Variants in SDK1 observed in about 807,000 individuals in gnomAD.
SDK1 encodes protein sidekick-1.
Under a neutral mutation model 245.5 loss-of-function variants are expected in SDK1, and 157 were observed. The observed-to-expected ratio is 0.64, with a 90% confidence interval of 0.56 to 0.73. The LOEUF (loss-of-function observed/expected upper bound fraction) is 0.73, where lower values mean the gene tolerates loss of function less well. Among genes scored for constraint, SDK1 ranks in the 30% least tolerant of loss-of-function variants. SDK1 has a pLI of 0.00. For synonymous variants in SDK1, 1,647 were observed against 1,278.5 expected, an observed-to-expected ratio of 1.29 and a Z score of -6.15; for missense variants, 3,583 against 3,002.3, an observed-to-expected ratio of 1.19 and a Z score of -4.52.
chr7:3,780,969 G>A (rs577685793), intron 4 of SDK1, among the ~76,000 whole-genome samples: 214 of 152,116 alleles, frequency 1.4e-3, no homozygotes, highest in Non-Finnish European at 2.2e-3. Context: ...GTGACCCGAC[G>A]TAAGCAGGGA....
chr7:3,818,908 G>T (rs944858108), intron 4 of SDK1, among the ~76,000 whole-genome samples: 1 of 152,200 alleles, frequency 6.6e-6, no homozygotes, highest in Non-Finnish European at 1.5e-5. Flanking sequence ...CAGCTCTCTT[G>T]TGTTGCATGG....
intron 1 of SDK1, among the ~76,000 whole-genome samples, chr7:3,426,348 A>C (rs992854361): frequency 6.6e-6 from 1 of 152,212 alleles, no homozygotes; most frequent in Non-Finnish European, 1.5e-5. Flanking sequence ...CTGGATGGGC[A>C]GGGTGAGAGT....
intron 1 of SDK1, among the ~76,000 whole-genome samples, chr7:3,493,437 GAAAATTA>G (rs1218451078): frequency 3.3e-5 from 5 of 152,190 alleles, no homozygotes; most frequent in African/African-American, 1.2e-4. Flanking sequence ...TGTTCTCAAA[GAAAATTA>G]AAAATATTAC....
rs192010490 is a variant in SDK1 at position 4,203,052 on chromosome 7, C to T, written c.5099-2827C>T. On this transcript the variant is annotated intron_variant, in intron 35 of 44. Coordinates refer to ENST00000404826, the MANE Select transcript of SDK1 (RefSeq NM_152744.4). ...GGACGGCGAGCACAGGGAGGTTGGG[C>T]GAGGCGACAGAATGCCGTCCTTGCT... Among the ~76,000 whole-genome samples, 71 of 152,294 alleles carry T rather than the reference C, an allele frequency of 4.7e-4. 1 individual carries two copies. The East Asian group carries it at 7.0e-3, about 15-fold the overall frequency.
At chr7:3,934,730 G>T (rs1399651669) in intron 5 of SDK1, among the ~76,000 whole-genome samples, 2 of 152,200 alleles carry the variant, frequency 1.3e-5, no homozygotes, top group African/African-American at 4.8e-5. Flanking sequence ...GAAAGAGATG[G>T]GCTCTTGTCC....
chr7:4,051,028 T>C (rs1272353579), intron 18 of SDK1, among the ~76,000 whole-genome samples: 1 of 141,842 alleles, frequency 7.1e-6, no homozygotes, highest in Non-Finnish European at 1.5e-5. Flanking sequence ...TGTGTATATG[T>C]TATGTATGTT....
intron 38 of SDK1, among the ~76,000 whole-genome samples, chr7:4,219,593 C>T (rs947353680): frequency 1.1e-4 from 17 of 152,230 alleles, no homozygotes; most frequent in Non-Finnish European, 1.9e-4. Flanking sequence ...TCCCCCAGGC[C>T]CCACCTTGAC....
chr7:3,381,711 A>G (rs1214161028), intron 1 of SDK1, among the ~76,000 whole-genome samples: 1 of 152,072 alleles, frequency 6.6e-6, no homozygotes, highest in Non-Finnish European at 1.5e-5. Context: ...AAGGAAGGAG[A>G]AAAGCACCTC....
intron 1 of SDK1, among the ~76,000 whole-genome samples, chr7:3,377,320 G>C (rs1381880127): frequency 1.3e-5 from 2 of 152,140 alleles, no homozygotes; most frequent in Non-Finnish European, 2.9e-5. Flanking sequence ...TAACGATAAA[G>C]GACTAGGTTA....
At chr7:4,039,039 A>T (rs967167089) in intron 17 of SDK1, among the ~76,000 whole-genome samples, 1 of 152,110 alleles carries the variant, frequency 6.6e-6, no homozygotes, top group African/African-American at 2.4e-5. Flanking sequence ...TTCTTTAATT[A>T]AAAAACGTAA....
At chr7:3,563,629 A>C (rs547591448) in intron 1 of SDK1, among the ~76,000 whole-genome samples, 33 of 152,358 alleles carry the variant, frequency 2.2e-4, no homozygotes, top group African/African-American at 7.5e-4. Context: ...CACTGTTCTC[A>C]GAAATTAGTA....
At chr7:3,411,796 T>C (rs58692075) in intron 1 of SDK1, among the ~76,000 whole-genome samples, 8,759 of 152,172 alleles carry the variant, frequency 0.058, 706 homozygotes, top group African/African-American at 0.18. Context: ...AGACTATAAA[T>C]TCTGGAGTTT....
chr7:4,183,845 A>T (rs879513772), intron 35 of SDK1, among the ~76,000 whole-genome samples: 4 of 152,144 alleles, frequency 2.6e-5, no homozygotes, highest in Non-Finnish European at 4.4e-5. Flanking sequence ...CGGCCCCTGC[A>T]TCCAGGTCTC....
Position 3,346,721 on chromosome 7 carries a change from G to A in SDK1, c.298+44837G>A, listed in dbSNP as rs117468445. 9.5e-3 allele frequency among the ~76,000 whole-genome samples: 996 copies of A among 104,968 alleles called. 4 individuals are homozygous for A. Among genetic ancestry groups the A allele is most frequent in the Non-Finnish European group, 0.014 (767 of 55,758 alleles). 68.9% of individuals were successfully genotyped at this position (104,968 alleles called of 152,430 possible). A position where few individuals can be genotyped will look rare whatever the true frequency, so the allele number is the denominator to read the frequency against. On this transcript the variant is annotated intron_variant, in intron 1 of 44. Transcript: ENST00000404826. ...TGTGTTTGTGTGTGTGTGTATATATGTATACATATATATATACACGTATAT... is the reference window on the plus strand; with the variant it reads ...TGTGTTTGTGTGTGTGTGTATATATATATACATATATATATACACGTATAT...
chr7:3,827,011 C>G (rs1259022529), intron 5 of SDK1, among the ~76,000 whole-genome samples: 1 of 152,152 alleles, frequency 6.6e-6, no homozygotes, highest in Non-Finnish European at 1.5e-5. Flanking sequence ...ACTCATGCCT[C>G]CTTCACCATA....
chr7:4,072,291 T>C (rs957912679), intron 20 of SDK1, among the ~76,000 whole-genome samples: 1 of 152,236 alleles, frequency 6.6e-6, no homozygotes, highest in Admixed American at 6.5e-5. Context: ...GCAGACTCTC[T>C]GCAGGTTCCT....
intron 28 of SDK1, among the ~76,000 whole-genome samples, chr7:4,142,470 A>C (rs1020326269): frequency 6.6e-6 from 1 of 152,032 alleles, no homozygotes; most frequent in African/African-American, 2.4e-5. Context: ...CTGGGATTAC[A>C]AGCGCCCGCC....
At chr7:3,630,673 A>T (rs578185671) in intron 2 of SDK1, among the ~76,000 whole-genome samples, 2 of 152,196 alleles carry the variant, frequency 1.3e-5, no homozygotes, top group Non-Finnish European at 2.9e-5. Context: ...AAAAAATCTG[A>T]AGTAAGGATA....
intron 1 of SDK1, among the ~76,000 whole-genome samples, chr7:3,494,074 T>G (rs1019117983): frequency 4.6e-5 from 7 of 152,162 alleles, no homozygotes; most frequent in African/African-American, 1.4e-4. Flanking sequence ...AACTCTGATC[T>G]CATTTATTTA....
Sources: gnomAD v4.1 joint callset for allele counts (sites outside exome capture counted in the v4.1 genomes callset) on GRCh38, gnomAD v4.1.1 for gene constraint, MANE v1.5 for transcripts, NCBI Gene and HGNC (gene_info 2026-07-23, HGNC 2026-07-21) for gene names.